CALML4: variants seen among roughly 807,000 people sequenced by gnomAD.
CALML4 encodes the protein calmodulin like 4.
Under a neutral mutation model 17.9 loss-of-function variants are expected in CALML4, and 16 were observed. The observed-to-expected ratio is 0.89, with a 90% CI of 0.61 to 1.36. The LOEUF (loss-of-function observed/expected upper bound fraction) is 1.36. Among genes scored for constraint, CALML4 ranks in the 40% most tolerant of loss-of-function variants. The pLI, the probability that CALML4 is intolerant of heterozygous loss-of-function variation, is 0.00. For missense variants in CALML4, 203 were observed against 194.8 expected (o/e 1.04, Z -0.25); for synonymous variants, 86 against 71.5 (o/e 1.20, Z -1.02).
At chr15:68,203,526 T>G (rs192851329) in intron 2 of CALML4, among the ~76,000 whole-genome samples, 7 of 152,350 alleles carry the variant, frequency 4.6e-5, no homozygotes, top group Non-Finnish European at 1.0e-4. Flanking sequence ...CACTGTTTGA[T>G]CCTACATTAT....
In CALML4 at chr15:68,192,973, C is replaced by T. The variant is rs922222008; in HGVS notation, c.*1042G>A. 2 of 152,312 alleles carry T rather than the reference C, an allele frequency of 1.3e-5. No individual in the cohort carries two copies. Among genetic ancestry groups the T allele is most frequent in the African/African-American group, 4.8e-5 (2 of 41,450 alleles). 9.4% of individuals were successfully genotyped at this position (152,312 alleles called of 1,614,324 possible). ...ATCTCTGGCAGCACCAACCTGGCAC[C>T]TTCTAGCTGTGTAACTCACTCAAAG... On this transcript the variant is annotated 3_prime_UTR_variant, in exon 5 of 5. Transcript: ENST00000467889.
chr15:68,201,996 G>A (rs1215178827), intron 2 of CALML4, among the ~76,000 whole-genome samples: 2 of 152,218 alleles, frequency 1.3e-5, no homozygotes, highest in Non-Finnish European at 2.9e-5. Context: ...GTGAGGAAGG[G>A]ATTTTTGTCT....
In CALML4 at chr15:68,192,823, A is replaced by C. The variant is rs1023535835; in HGVS notation, c.*1192T>G. 1 of 152,216 alleles carries C rather than the reference A, an allele frequency of 6.6e-6. No individual in the cohort carries two copies. The highest frequency in any genetic ancestry group is 6.5e-5 in the Admixed American group (1 of 15,282). The allele number at this position is 152,216 out of a possible 1,614,324, so 9.4% of individuals were successfully genotyped here. On this transcript the variant is annotated 3_prime_UTR_variant, in exon 5 of 5. Coordinates refer to ENST00000467889, the MANE Select transcript of CALML4 (RefSeq NM_033429.3). ...CAGAGAACCCACTTTTGATACATAC[A>C]TGGATGCAAATCTTTGTACTTGAAG...
intron 2 of CALML4, among the ~76,000 whole-genome samples, chr15:68,202,553 C>T (rs779184213): frequency 5.3e-5 from 8 of 151,718 alleles, no homozygotes; most frequent in Middle Eastern, 3.4e-3. Flanking sequence ...TTGAAATGAG[C>T]GGAGATCATG....
rs1480475554 is a variant in CALML4 at position 68,193,398 on chromosome 15, G to A, written c.*617C>T. 6.6e-6 allele frequency: 1 copy of A among 152,458 alleles called. No homozygotes were observed. The highest frequency in any genetic ancestry group is 1.9e-4 in the East Asian group (1 of 5,214). 9.4% of individuals were successfully genotyped at this position (152,458 alleles called of 1,614,324 possible). Reference sequence around the variant, plus strand: ...TACACTCTGTGTTTATGAATGAATAGCCTGAGCTATGTCACTATATCTGTT... The same window carrying A: ...TACACTCTGTGTTTATGAATGAATAACCTGAGCTATGTCACTATATCTGTT... On this transcript the variant is annotated 3_prime_UTR_variant, in exon 5 of 5. Transcript: ENST00000467889.
At chr15:68,201,900 T>C (rs1484570329) in intron 2 of CALML4, among the ~76,000 whole-genome samples, 1 of 152,156 alleles carries the variant, frequency 6.6e-6, no homozygotes, top group East Asian at 1.9e-4. Flanking sequence ...TGGCTCTCCT[T>C]CCTGCTTTTT....
At position 68,204,981 on chromosome 15, in the gene CALML4, T is replaced by TC. The variant is rs2093177290; in HGVS notation, c.34+139dup. 4 of 919,414 alleles carry TC rather than the reference T, an allele frequency of 4.4e-6. No individual in the cohort carries two copies. Among genetic ancestry groups the TC allele is most frequent in the South Asian group, 1.5e-5 (1 of 65,810 alleles). 57.0% of individuals were successfully genotyped at this position (919,414 alleles called of 1,614,324 possible). On this transcript the variant is annotated intron_variant, in intron 2 of 4. Transcript: ENST00000467889. This position sits in a 1 kb window ranked among gnomAD's most constrained non-coding sequence, Gnocchi z 6.0. ...AACCCCCACCCCGCCAACAGCAGCC[T>TC]CCCCGCAGCTCTTGGCCCTGGGTGG...
intron 4 of CALML4, among the ~76,000 whole-genome samples, chr15:68,194,874 C>T (rs1003552189): frequency 7.2e-5 from 11 of 151,750 alleles, no homozygotes; most frequent in Non-Finnish European, 1.5e-4. Context: ...CTCCTCACCA[C>T]CTCTGCCCCC....
chr15:68,194,383 GC>G (rs140565947), intron 4 of CALML4, among the ~76,000 whole-genome samples: 5 of 114,938 alleles, frequency 4.4e-5, no homozygotes, highest in Admixed American at 8.6e-5. Context: ...GCCACCGTGT[GC>G]TTTTTTTTTT....
chr15:68,204,963 AC>A lies in CALML4; in HGVS notation c.34+157del, dbSNP rs1462418007. On this transcript the variant is annotated intron_variant, in intron 2 of 4. Coordinates refer to ENST00000467889, the MANE Select transcript of CALML4 (RefSeq NM_033429.3). The surrounding 1 kb of genome is among the most constrained non-coding windows in gnomAD (Gnocchi z 6.0). ...TTTTGGAGGCTTACCCCCAACCCCCACCCCGCCAACAGCAGCCTCCCCGCAG... is the reference window on the plus strand; with the variant it reads ...TTTTGGAGGCTTACCCCCAACCCCCACCCGCCAACAGCAGCCTCCCCGCAG... Among the ~76,000 whole-genome samples, 15 of 151,270 alleles carry A rather than the reference AC, an allele frequency of 9.9e-5. No individual in the cohort carries two copies. In the East Asian group the frequency reaches 2.9e-3, roughly 29 times the overall value.
chr15:68,194,559 TTTTTAGTAGAGACGGGG>T (rs1419526812), intron 4 of CALML4, among the ~76,000 whole-genome samples: 2 of 152,084 alleles, frequency 1.3e-5, no homozygotes, highest in African/African-American at 4.8e-5. Flanking sequence ...AATTTTTGTA[TTTTTAGTAGAGACGGGG>T]TTTCACCATG....
chr15:68,203,052 T>C (rs2093170559), intron 2 of CALML4, among the ~76,000 whole-genome samples: 1 of 152,114 alleles, frequency 6.6e-6, no homozygotes, highest in Non-Finnish European at 1.5e-5. Flanking sequence ...TGACCTCAGG[T>C]GATCTGCCTC....
At chr15:68,198,671 A>C (rs1046448263) in intron 3 of CALML4, 8 of 152,206 alleles carry the variant, frequency 5.3e-5, no homozygotes, top group African/African-American at 1.9e-4. Context: ...CCATAATCCC[A>C]TTACCAGAGA....
At chr15:68,195,869 A>T (rs2093142259) in intron 4 of CALML4, among the ~76,000 whole-genome samples, 1 of 152,140 alleles carries the variant, frequency 6.6e-6, no homozygotes, top group Admixed American at 6.5e-5. Context: ...GACAGAGATC[A>T]TTAACCACAA....
intron 2 of CALML4, 135 bp from the exon 3 acceptor site, chr15:68,199,816 G>A: frequency 9.8e-6 from 9 of 917,766 alleles, no homozygotes; most frequent in South Asian, 9.0e-5. Flanking sequence ...CCCCTCCCAA[G>A]GGTGCTAGAT....
chr15:68,203,723 C>T (rs1029129022), intron 2 of CALML4, among the ~76,000 whole-genome samples: 1 of 152,154 alleles, frequency 6.6e-6, no homozygotes, highest in African/African-American at 2.4e-5. Context: ...GGTGGCATAT[C>T]CTACTTCATA....
At position 68,204,135 on chromosome 15, in the gene CALML4, G is replaced by A. The variant is rs147577522; in HGVS notation, c.34+986C>T. On this transcript the variant is annotated intron_variant, in intron 2 of 4. Transcript: ENST00000467889. This position sits in a 1 kb window ranked among gnomAD's most constrained non-coding sequence, Gnocchi z 6.0. ...AAGAGTTCCAGGGTTCTACGTGGAG[G>A]TGCCCACCTGGAGCTCACAATTCCT... 1.5e-3 allele frequency among the ~76,000 whole-genome samples: 228 copies of A among 152,204 alleles called. 4 individuals are homozygous for A. Among genetic ancestry groups the A allele is most frequent in the African/African-American group, 5.2e-3 (214 of 41,544 alleles).
Position 68,197,574 on chromosome 15 carries a change from ATTTG to A in CALML4, c.226_229del (p.Gln76Ter), listed in dbSNP as rs1325050182. 6 of 1,613,944 alleles carry A rather than the reference ATTTG, an allele frequency of 3.7e-6. No individual in the cohort carries two copies. The East Asian group carries it at 1.3e-4, about 36-fold the overall frequency. On this transcript the variant is annotated frameshift_variant, in exon 4 of 5. Coordinates refer to ENST00000467889, the MANE Select transcript of CALML4 (RefSeq NM_033429.3). LOFTEE classifies it high-confidence loss of function. This position sits in a 1 kb window ranked among gnomAD's most constrained non-coding sequence, Gnocchi z 4.1. ...TTCTTTCTTTGGGTCTTCTTGTTTTATTTGCATGTGCATAATGGTCAGAAAAGTG... is the reference window on the plus strand; with the variant it reads ...TTCTTTCTTTGGGTCTTCTTGTTTTACATGTGCATAATGGTCAGAAAAGTG...
chr15:68,202,666 A>C (rs1374819716), intron 2 of CALML4, among the ~76,000 whole-genome samples: 1 of 132,526 alleles, frequency 7.5e-6, no homozygotes, highest in East Asian at 2.3e-4. Flanking sequence ...TTTTTTTGAG[A>C]GAGTTTTGCT....
Sources: allele counts gnomAD v4.1 joint callset (sites outside exome capture counted in the v4.1 genomes callset), GRCh38; gene constraint gnomAD v4.1.1; non-coding constraint Gnocchi (gnomAD v3.1); transcripts MANE v1.5; gene names NCBI Gene and HGNC (gene_info 2026-07-23, HGNC 2026-07-21).